CPNE4: variants seen among roughly 807,000 people sequenced by gnomAD.
CPNE4 encodes the protein copine-4.
In CPNE4, 25 loss-of-function variants were observed where a neutral mutation model predicts 67.9. The observed-to-expected ratio is 0.37, with a 90% CI of 0.27 to 0.51. The LOEUF is 0.51. Among genes scored for constraint, CPNE4 ranks in the 20% least tolerant of loss-of-function variants. The probability of loss-of-function intolerance (pLI) is 0.93; values close to 1 mark genes in which losing one functional copy is unlikely to be tolerated. For synonymous variants in CPNE4, 242 were observed against 244.9 expected, an observed-to-expected ratio of 0.99 and a Z score of 0.11; for missense variants, 464 against 690.8, an observed-to-expected ratio of 0.67 and a Z score of 3.68.
intron 2 of CPNE4, among the ~76,000 whole-genome samples, chr3:131,836,279 T>C (rs755518555): frequency 6.6e-4 from 101 of 152,190 alleles, no homozygotes; most frequent in Non-Finnish European, 1.4e-3. Flanking sequence ...TGGGGTTCAT[T>C]CTAGGATGCA....
chr3:131,952,314 A>C (rs1472590620), intron 1 of CPNE4, among the ~76,000 whole-genome samples: 4 of 138,474 alleles, frequency 2.9e-5, no homozygotes, highest in East Asian at 2.2e-4. Flanking sequence ...AAGTGAGGAG[A>C]CCCTCTGCCT....
intron 2 of CPNE4, among the ~76,000 whole-genome samples, chr3:131,743,962 CAAA>C (rs67791015): frequency 0.014 from 834 of 59,156 alleles, 4 homozygotes; most frequent in African/African-American, 0.056. Flanking sequence ...GACTCCGTCT[CAAA>C]AAAAAAAAAA....
At chr3:131,613,430 A>T (rs529249556) in intron 7 of CPNE4, among the ~76,000 whole-genome samples, 1 of 152,226 alleles carries the variant, frequency 6.6e-6, no homozygotes, top group South Asian at 2.1e-4. Flanking sequence ...TGATTTTCTC[A>T]GCATGAGTTT....
chr3:131,757,815 T>G (rs2082788042), intron 2 of CPNE4, among the ~76,000 whole-genome samples: 1 of 152,162 alleles, frequency 6.6e-6, no homozygotes, highest in Non-Finnish European at 1.5e-5. Flanking sequence ...ATTGGTGCCC[T>G]GTGTCCCAAC....
intron 1 of CPNE4, among the ~76,000 whole-genome samples, chr3:131,966,695 A>T (rs1016332883): frequency 6.6e-6 from 1 of 152,198 alleles, no homozygotes; most frequent in Non-Finnish European, 1.5e-5. Flanking sequence ...CCCAGAATAG[A>T]CCAATAATGA....
At chr3:131,768,098 T>A (rs1396060334) in intron 2 of CPNE4, among the ~76,000 whole-genome samples, 1 of 152,098 alleles carries the variant, frequency 6.6e-6, no homozygotes, top group Non-Finnish European at 1.5e-5. Context: ...TAGACAGTTT[T>A]TCACATATCA....
intron 3 of CPNE4, among the ~76,000 whole-genome samples, chr3:131,709,542 T>C (rs2081508428): frequency 6.6e-6 from 1 of 152,214 alleles, no homozygotes; most frequent in Non-Finnish European, 1.5e-5. Flanking sequence ...GTGTTAAAAG[T>C]GCTGGCAAAG....
intron 5 of CPNE4, among the ~76,000 whole-genome samples, chr3:131,694,980 A>G (rs1465035225): frequency 6.6e-6 from 1 of 152,250 alleles, no homozygotes; most frequent in Non-Finnish European, 1.5e-5. Flanking sequence ...ATGCAGCAAT[A>G]GAAAACCAGA....
At chr3:131,959,186 G>A (rs2072088729) in intron 1 of CPNE4, among the ~76,000 whole-genome samples, 1 of 50,438 alleles carries the variant, frequency 2.0e-5, no homozygotes, top group Non-Finnish European at 3.6e-5. Flanking sequence ...ATTTTTAGTA[G>A]AGACGGGGTT....
At chr3:131,827,301 GC>G (rs2107984973) in intron 2 of CPNE4, among the ~76,000 whole-genome samples, 1 of 152,210 alleles carries the variant, frequency 6.6e-6, no homozygotes, top group South Asian at 2.1e-4. Context: ...GTAATGAAAA[GC>G]TGCCTCACTG....
intron 14 of CPNE4, 34 bp from the exon 15 acceptor site, chr3:131,542,827 G>A (rs764659189): frequency 1.6e-6 from 2 of 1,289,434 alleles, no homozygotes; most frequent in Non-Finnish European, 2.2e-6. Context: ...ATGGGGGGGG[G>A]TGAAGAGGTG....
intron 2 of CPNE4, among the ~76,000 whole-genome samples, chr3:131,875,320 T>C (rs1303785240): frequency 2.6e-5 from 4 of 152,150 alleles, no homozygotes; most frequent in Non-Finnish European, 5.9e-5. Context: ...GCCATCCCAT[T>C]ACTGGGTATA....
intron 1 of CPNE4, among the ~76,000 whole-genome samples, chr3:131,997,750 AC>A (rs1268774119): frequency 6.6e-6 from 1 of 152,160 alleles, no homozygotes; most frequent in Non-Finnish European, 1.5e-5. Context: ...ACAGGTATGA[AC>A]ATTTAAAAAC....
At chr3:131,694,562 G>A (rs1320117856) in intron 5 of CPNE4, among the ~76,000 whole-genome samples, 1 of 152,128 alleles carries the variant, frequency 6.6e-6, no homozygotes, top group Admixed American at 6.6e-5. Context: ...GAATGCAGCA[G>A]CAGTGATGAT....
At chr3:132,038,533 T>C (rs545678079), upstream of CPNE4, among the ~76,000 whole-genome samples, 3 of 152,316 alleles carry the variant, frequency 2.0e-5, no homozygotes, top group South Asian at 2.1e-4. Context: ...ATGAGTGATG[T>C]TATAAAGGCC....
At chr3:131,711,609 C>A (rs552865399) in intron 3 of CPNE4, among the ~76,000 whole-genome samples, 12 of 152,238 alleles carry the variant, frequency 7.9e-5, no homozygotes, top group Admixed American at 7.2e-4. Flanking sequence ...TGGGAAGGGC[C>A]CTTGACGGCT....
intron 2 of CPNE4, among the ~76,000 whole-genome samples, chr3:131,803,159 A>C (rs1345554885): frequency 6.6e-6 from 1 of 152,234 alleles, no homozygotes; most frequent in African/African-American, 2.4e-5. Flanking sequence ...ACCATTAGCC[A>C]GGTGGATAAC....
intron 7 of CPNE4, among the ~76,000 whole-genome samples, chr3:131,594,608 C>T (rs951655413): frequency 2.0e-5 from 3 of 152,054 alleles, no homozygotes; most frequent in African/African-American, 7.2e-5. Flanking sequence ...AGAAAGAATG[C>T]ATAAGGATAA....
At chr3:131,765,740 T>C (rs556702643) in intron 2 of CPNE4, among the ~76,000 whole-genome samples, 4 of 152,046 alleles carry the variant, frequency 2.6e-5, no homozygotes, top group Non-Finnish European at 4.4e-5. Flanking sequence ...TATGTGTTGA[T>C]GGAAGTGACA....
Sources: allele counts gnomAD v4.1 joint callset (sites outside exome capture counted in the v4.1 genomes callset), GRCh38; gene constraint gnomAD v4.1.1; transcripts MANE v1.5; gene names NCBI Gene and HGNC (gene_info 2026-07-23, HGNC 2026-07-21).